Variants in SATL1 observed in about 807,000 individuals in gnomAD.
The protein encoded by SATL1 is spermidine/spermine N(1)-acetyltransferase-like protein 1.
Under a neutral mutation model 51.8 loss-of-function variants are expected in SATL1, and 47 were observed. The observed-to-expected ratio is 0.91, with a 90% CI of 0.72 to 1.16. The LOEUF is 1.16. Ranked by LOEUF, SATL1 falls within the 50% of genes most tolerant of loss-of-function variation. The pLI, the probability that SATL1 is intolerant of heterozygous loss-of-function variation, is 0.00. For synonymous variants in SATL1, 176 were observed against 182.4 expected, an observed-to-expected ratio of 0.97 and a Z score of 0.28; for missense variants, 520 against 526.4, an observed-to-expected ratio of 0.99 and a Z score of 0.12.
intron 2 of SATL1, among the ~76,000 whole-genome samples, chrX:85,204,877 C>A: frequency 8.9e-6 from 1 of 112,354 alleles, no homozygotes; most frequent in Admixed American, 9.4e-5. Context: ...CCTTTTAGAA[C>A]ATTTTCTTCT....
At chrX:85,142,113 G>C (rs920355972) in intron 2 of SATL1, among the ~76,000 whole-genome samples, 30 of 107,178 alleles carry the variant, frequency 2.8e-4, no homozygotes, top group African/African-American at 9.1e-4. Flanking sequence ...AATTGAAGTA[G>C]AGGCCGGTCA....
chrX:85,182,528 C>T (rs776616536), intron 2 of SATL1, among the ~76,000 whole-genome samples: 2 of 111,506 alleles, frequency 1.8e-5, no homozygotes, highest in East Asian at 5.6e-4. Flanking sequence ...TCGTAGCTAC[C>T]GTGAATAGTG....
At chrX:85,147,937 G>A (rs755803681) in intron 2 of SATL1, among the ~76,000 whole-genome samples, 4 of 111,880 alleles carry the variant, frequency 3.6e-5, no homozygotes, top group African/African-American at 9.7e-5. Context: ...TCAAAGGAAC[G>A]CAGATCCTCA....
chrX:85,160,689 A>G (rs1331443820), intron 2 of SATL1, among the ~76,000 whole-genome samples: 2 of 110,666 alleles, frequency 1.8e-5, no homozygotes, highest in Admixed American at 1.9e-4. Flanking sequence ...ATGTAAAGCG[A>G]CCAAATCTAT....
intron 2 of SATL1, among the ~76,000 whole-genome samples, chrX:85,216,674 G>T (rs1928050838): frequency 9.0e-6 from 1 of 111,403 alleles, no homozygotes; most frequent in African/African-American, 3.3e-5. Flanking sequence ...GCTCCATTCT[G>T]CTAGGATGGA....
intron 1 of SATL1, among the ~76,000 whole-genome samples, chrX:85,235,423 G>A (rs1334455987): frequency 1.8e-5 from 2 of 109,925 alleles, no homozygotes; most frequent in Non-Finnish European, 3.8e-5. Flanking sequence ...CTTAGCACAT[G>A]AATTATTCTC....
intron 2 of SATL1, among the ~76,000 whole-genome samples, chrX:85,195,001 A>C (rs1017009078): frequency 1.9e-5 from 2 of 106,471 alleles, no homozygotes; most frequent in African/African-American, 7.3e-5. Context: ...CTGCACATGT[A>C]CCCCAGGACT....
intron 2 of SATL1, 117 bp from the exon 3 acceptor site, chrX:85,109,397 T>G (rs1164358940): frequency 5.7e-6 from 1 of 173,960 alleles, no homozygotes; most frequent in Non-Finnish European, 1.1e-5. Context: ...GGTATCAAAG[T>G]GCCTACGTGC....
intron 2 of SATL1, among the ~76,000 whole-genome samples, chrX:85,223,490 G>A (rs1257737037): frequency 1.8e-5 from 2 of 111,406 alleles, no homozygotes; most frequent in Non-Finnish European, 3.8e-5. Context: ...CTAAAGTGAA[G>A]GGGTTAGATT....
chrX:85,094,904 G>A lies in SATL1; in HGVS notation c.1774+12C>T. ...ACTCCAGATTGAACTGGAGAAGAAAGGTTTACTCTACCTGATGGTTTTTGT... is the reference window on the plus strand; with the variant it reads ...ACTCCAGATTGAACTGGAGAAGAAAAGTTTACTCTACCTGATGGTTTTTGT... On this transcript the variant is annotated intron_variant, in intron 5 of 7. Transcript: ENST00000644105. The A allele has an allele frequency of 9.1e-7, 1 of 1,103,144 alleles. No individual in the cohort carries two copies. Among genetic ancestry groups the A allele is most frequent in the Non-Finnish European group, 1.2e-6 (1 of 800,535 alleles). The allele number at this position is 1,103,144 out of a possible 1,213,427, so 90.9% of individuals were successfully genotyped here. A position where few individuals can be genotyped will look rare whatever the true frequency, so the allele number is the denominator to read the frequency against.
In SATL1 at chrX:85,232,760, C is replaced by T. The variant is rs371743012; in HGVS notation, c.-434-8434G>A. On this transcript the variant is annotated intron_variant, in intron 1 of 7. Coordinates refer to ENST00000644105, the MANE Select transcript of SATL1 (RefSeq NM_001367857.2). The stretch of plus-strand genomic sequence containing the variant: ...TGACTTTGACTTGTGGCTTGGGTCC[C>T]AGCTCAGCCACACTAGAATAGAGCA... Among the ~76,000 whole-genome samples, 13 of 111,716 alleles carry T rather than the reference C, an allele frequency of 1.2e-4. No homozygotes were observed. The East Asian group carries it at 2.8e-3, about 24-fold the overall frequency.
chrX:85,215,307 T>C (rs1381968565), intron 2 of SATL1, among the ~76,000 whole-genome samples: 1 of 111,389 alleles, frequency 9.0e-6, no homozygotes, highest in Non-Finnish European at 1.9e-5. Context: ...GGGCCTGTGA[T>C]TGGGCCTTTT....
At chrX:85,112,728 C>T (rs187121552) in intron 2 of SATL1, among the ~76,000 whole-genome samples, 58 of 111,813 alleles carry the variant, frequency 5.2e-4, no homozygotes, top group African/African-American at 1.8e-3. Flanking sequence ...CTCCTGAGAT[C>T]TTATTGGGAA....
chrX:85,204,913 T>C (rs1927763029), intron 2 of SATL1, among the ~76,000 whole-genome samples: 1 of 112,434 alleles, frequency 8.9e-6, no homozygotes, highest in African/African-American at 3.2e-5. Flanking sequence ...AAGCTGATAA[T>C]AGAAGCCAAA....
At chrX:85,235,065 G>T (rs763796662) in intron 1 of SATL1, among the ~76,000 whole-genome samples, 14 of 111,242 alleles carry the variant, frequency 1.3e-4, no homozygotes, top group African/African-American at 4.6e-4. Flanking sequence ...AAGAGCAAGA[G>T]TAAGTATACT....
intron 2 of SATL1, chrX:85,209,812 G>GT (rs1370908814): frequency 9.1e-6 from 1 of 110,056 alleles, no homozygotes; most frequent in African/African-American, 3.3e-5. Context: ...TGTTTTGAAG[G>GT]TTTTTTTGTG....
At chrX:85,179,289 A>T (rs1927150105) in intron 2 of SATL1, among the ~76,000 whole-genome samples, 1 of 111,859 alleles carries the variant, frequency 8.9e-6, no homozygotes, top group South Asian at 3.7e-4. Context: ...GACAAGTGCT[A>T]TTCTTAATAT....
At chrX:85,165,300 T>G (rs1300772973) in intron 2 of SATL1, among the ~76,000 whole-genome samples, 6 of 111,605 alleles carry the variant, frequency 5.4e-5, no homozygotes, top group South Asian at 7.5e-4. Context: ...CTTCAAGCTC[T>G]GAAGTTCTTT....
chrX:85,233,289 A>G (rs1313525942), intron 1 of SATL1, among the ~76,000 whole-genome samples: 1 of 112,096 alleles, frequency 8.9e-6, no homozygotes, highest in African/African-American at 3.3e-5. Context: ...AAGTCCCTTC[A>G]AATACCCGGA....
Sources: gnomAD v4.1 joint callset for allele counts (sites outside exome capture counted in the v4.1 genomes callset) on GRCh38, gnomAD v4.1.1 for gene constraint, MANE v1.5 for transcripts, NCBI Gene and HGNC (gene_info 2026-07-23, HGNC 2026-07-21) for gene names.